The following PTBP3 variants were observed in gnomAD, a reference collection of about 807,000 sequenced individuals.
PTBP3 encodes polypyrimidine tract-binding protein 3.
A neutral mutation model predicts 58.7 loss-of-function variants in PTBP3; 20 were observed. The ratio of observed to expected loss-of-function variants is 0.34; its 90% CI spans 0.24 to 0.50. The LOEUF is 0.50. PTBP3 is among the 20% of genes least tolerant of loss of function. PTBP3 has a pLI of 0.98. For missense variants in PTBP3, 509 were observed against 637.2 expected (o/e 0.80, Z 2.17); for synonymous variants, 185 against 219.8 (o/e 0.84, Z 1.40).
At chr9:112,364,482 A>G in the PTBP3 span, among the ~76,000 whole-genome samples, 1 of 151,942 alleles carries the variant, frequency 6.6e-6, no homozygotes, top group Admixed American at 6.6e-5. Context: ...ACACAGCAAG[A>G]CCCTGTCTTT....
intron 4 of PTBP3, among the ~76,000 whole-genome samples, chr9:112,264,798 C>T (rs1836732373): frequency 6.6e-6 from 1 of 152,158 alleles, no homozygotes; most frequent in Non-Finnish European, 1.5e-5. Flanking sequence ...TTTAGGCTGG[C>T]TTTGGTTGCC....
At chr9:112,282,780 C>A (rs567115651) in intron 2 of PTBP3, among the ~76,000 whole-genome samples, 4 of 152,088 alleles carry the variant, frequency 2.6e-5, no homozygotes, top group Non-Finnish European at 4.4e-5. Context: ...TATTTTAGGA[C>A]CCGGATACAG....
chr9:112,355,847 A>G, the PTBP3 span, among the ~76,000 whole-genome samples: 498 of 152,050 alleles, frequency 3.3e-3, 1 homozygote, highest in African/African-American at 0.011. Context: ...AAACTCCTGG[A>G]CTCAAGCCAT....
At chr9:112,231,357 TA>T in intron 10 of PTBP3, 22 bp downstream of exon 10, 3 of 1,561,638 alleles carry the variant, frequency 1.9e-6, no homozygotes, top group Non-Finnish European at 2.6e-6. Context: ...TAGACAATAA[TA>T]AAATAGCAAA....
chr9:112,302,433 A>T (rs1430889042), intron 1 of PTBP3, among the ~76,000 whole-genome samples: 1 of 152,054 alleles, frequency 6.6e-6, no homozygotes, highest in Non-Finnish European at 1.5e-5. Flanking sequence ...TTTTTGACAT[A>T]AAAAAACTGG....
chr9:112,349,771 C>A, the PTBP3 span, among the ~76,000 whole-genome samples: 1 of 141,106 alleles, frequency 7.1e-6, no homozygotes, highest in Admixed American at 7.8e-5. Context: ...GGCTGAGGCA[C>A]GAGAATCGCT....
At chr9:112,239,634 G>A (rs1835564352) in intron 7 of PTBP3, among the ~76,000 whole-genome samples, 1 of 152,048 alleles carries the variant, frequency 6.6e-6, no homozygotes, top group South Asian at 2.1e-4. Flanking sequence ...AGGAGGCTGA[G>A]GTGGAAGGAT....
chr9:112,314,333 C>G (rs1402282539), intron 1 of PTBP3, among the ~76,000 whole-genome samples: 1 of 152,204 alleles, frequency 6.6e-6, no homozygotes, highest in African/African-American at 2.4e-5. Context: ...AAAAGGTCAA[C>G]TCATCAAGAT....
At chr9:112,352,892 G>T in the PTBP3 span, among the ~76,000 whole-genome samples, 2 of 151,506 alleles carry the variant, frequency 1.3e-5, no homozygotes, top group East Asian at 1.9e-4. Flanking sequence ...ACCAATTAAT[G>T]ACTTTCTTTT....
At chr9:112,234,984 A>AT in intron 7 of PTBP3, 87 bp from the exon 8 acceptor site, 1 of 1,073,572 alleles carries the variant, frequency 9.3e-7, no homozygotes, top group Non-Finnish European at 1.4e-6. Flanking sequence ...ATGAAAGTAT[A>AT]TTACTAACAA....
chr9:112,305,347 G>A (rs896912728), intron 1 of PTBP3, among the ~76,000 whole-genome samples: 1 of 151,342 alleles, frequency 6.6e-6, no homozygotes, highest in East Asian at 1.9e-4. Context: ...GATCGACAAT[G>A]TGATTTAGGG....
At chr9:112,326,374 T>C (rs1317850695) in intron 1 of PTBP3, among the ~76,000 whole-genome samples, 1 of 152,218 alleles carries the variant, frequency 6.6e-6, no homozygotes, top group African/African-American at 2.4e-5. Flanking sequence ...ACTGCCTTTG[T>C]AGTGTGAAAG....
At chr9:112,304,909 TTA>T (rs1829111365) in intron 1 of PTBP3, among the ~76,000 whole-genome samples, 1 of 152,186 alleles carries the variant, frequency 6.6e-6, no homozygotes, top group Non-Finnish European at 1.5e-5. Flanking sequence ...CTATTTTAAA[TTA>T]TAGTGTTTTG....
intron 3 of PTBP3, among the ~76,000 whole-genome samples, chr9:112,268,716 A>T (rs1428106614): frequency 5.7e-5 from 8 of 141,424 alleles, no homozygotes; most frequent in African/African-American, 2.5e-4. Flanking sequence ...CCGTCTCAAA[A>T]AAAAAAAAAA....
At position 112,221,270 on chromosome 9, in the gene PTBP3, C is replaced by T. The variant is rs926909870; in HGVS notation, c.*2581G>A. On this transcript the variant is annotated 3_prime_UTR_variant, in exon 14 of 14. Coordinates refer to ENST00000374257, the MANE Select transcript of PTBP3 (RefSeq NM_001163788.4). ...ATTTATGTATATACACTTATCTACA[C>T]ACACACACATTCACACACACACACA... 6.9e-5 allele frequency: 68 copies of T among 984,728 alleles called. No individual in the cohort carries two copies. The highest frequency in any genetic ancestry group is 6.2e-5 in the Non-Finnish European group (51 of 829,106). The allele number at this position is 984,728 out of a possible 1,614,324, so 61.0% of individuals were successfully genotyped here.
chr9:112,232,166 A>C lies in PTBP3; in HGVS notation c.953T>G (p.Met318Arg). Residue 318 changes from methionine to arginine, a missense_variant, in exon 9 of 14, where the codon ATG (methionine) becomes AGG (arginine). By Grantham distance (91) the Met-to-Arg change is moderately conservative (BLOSUM62 -1). Around this residue, in one of 4 missense-constraint regions of PTBP3, gnomAD observed 121 missense variants for 114.8 expected, o/e 1.05. Transcript: ENST00000374257. Reference sequence around the variant, plus strand: ...TATACCACTAGCCCCAGGAATGGCCATCCTTCCAGTGACAGCAGAAGAGGT... The same window carrying C: ...TATACCACTAGCCCCAGGAATGGCCCTCCTTCCAGTGACAGCAGAAGAGGT... Reference protein sequence around the residue: ...TITSSAVTGRMAIPGASGIPG... With the variant: ...TITSSAVTGRRAIPGASGIPG... 6.2e-7 allele frequency: 1 copy of C among 1,613,190 alleles called. No individual in the cohort carries two copies. The highest frequency in any genetic ancestry group is 8.5e-7 in the Non-Finnish European group (1 of 1,179,180).
chr9:112,277,703 CCAAA>C (rs915836903), intron 2 of PTBP3, among the ~76,000 whole-genome samples: 9 of 151,598 alleles, frequency 5.9e-5, no homozygotes, highest in African/African-American at 1.2e-4. Context: ...CCAAAAAAAA[CCAAA>C]CAAACAAACA....
At chr9:112,369,482 G>T in the PTBP3 span, among the ~76,000 whole-genome samples, 1 of 152,196 alleles carries the variant, frequency 6.6e-6, no homozygotes, top group Admixed American at 6.5e-5. Context: ...TATCCCTCTG[G>T]ATTTTGGACT....
intron 1 of PTBP3, among the ~76,000 whole-genome samples, chr9:112,328,873 T>C (rs1830259842): frequency 6.6e-6 from 1 of 152,134 alleles, no homozygotes. Flanking sequence ...CAAGAAGAGA[T>C]GATGAACACA....
Sources: allele counts gnomAD v4.1 joint callset (sites outside exome capture counted in the v4.1 genomes callset), GRCh38; gene constraint gnomAD v4.1.1; regional missense constraint gnomAD v4.1.1; transcripts MANE v1.5; gene names NCBI Gene and HGNC (gene_info 2026-07-23, HGNC 2026-07-21).